The following CRADD variants were observed in gnomAD, a reference collection of about 807,000 sequenced individuals.
CRADD encodes the protein death domain-containing protein CRADD.
A neutral mutation model predicts 15.5 loss-of-function variants in CRADD; 9 were observed. The observed-to-expected ratio is 0.58, with a 90% CI of 0.35 to 1.01. The LOEUF is 1.01. CRADD is among the 50% of genes least tolerant of loss of function. The pLI is 0.02. For missense variants in CRADD, 227 were observed against 250.3 expected (o/e 0.91, Z 0.63); for synonymous variants, 118 against 107.6 (o/e 1.10, Z -0.60).
chr12:93,719,472 G>T (rs1326789380), intron 2 of CRADD, among the ~76,000 whole-genome samples: 1 of 152,166 alleles, frequency 6.6e-6, no homozygotes, highest in African/African-American at 2.4e-5. Context: ...AATGAGTTAG[G>T]AAGTATTTCC....
chr12:93,834,236 T>C (rs904964265), intron 2 of CRADD, among the ~76,000 whole-genome samples: 17 of 152,210 alleles, frequency 1.1e-4, no homozygotes, highest in African/African-American at 4.1e-4. Context: ...ACTTAGGTTA[T>C]CCTGATGCTA....
chr12:93,751,036 C>T (rs1956823193), intron 2 of CRADD, among the ~76,000 whole-genome samples: 1 of 152,172 alleles, frequency 6.6e-6, no homozygotes, highest in Non-Finnish European at 1.5e-5. Flanking sequence ...TTGCCTGTGT[C>T]TACTATACTC....
intron 2 of CRADD, among the ~76,000 whole-genome samples, chr12:93,887,072 A>G (rs1958542829): frequency 6.6e-6 from 1 of 152,218 alleles, no homozygotes. Context: ...AGATCTTTGC[A>G]CTTCCTGTAG....
chr12:93,859,213 AAG>A (rs145734470), intron 2 of CRADD: 5,668 of 436,458 alleles, frequency 0.013, 260 homozygotes, highest in African/African-American at 0.1. Context: ...GGGTTAATGT[AAG>A]TGCTTTCATT....
At chr12:93,854,934 C>CTA (rs1958259877), downstream of CRADD, among the ~76,000 whole-genome samples, 1 of 152,166 alleles carries the variant, frequency 6.6e-6, no homozygotes, top group African/African-American at 2.4e-5. Flanking sequence ...TGGCTCACGC[C>CTA]TATAATCCCA....
chr12:93,696,734 A>G (rs1204405733), intron 2 of CRADD, among the ~76,000 whole-genome samples: 2 of 147,460 alleles, frequency 1.4e-5, no homozygotes. Flanking sequence ...AACCACAAAT[A>G]GAAAATATTT....
chr12:93,698,948 C>G (rs1449371150), intron 2 of CRADD, among the ~76,000 whole-genome samples: 1 of 152,112 alleles, frequency 6.6e-6, no homozygotes, highest in Non-Finnish European at 1.5e-5. Context: ...CAACAGAGAC[C>G]TTATGGTCCA....
At chr12:93,693,532 A>G (rs1032019139) in intron 2 of CRADD, among the ~76,000 whole-genome samples, 12 of 152,208 alleles carry the variant, frequency 7.9e-5, no homozygotes, top group Admixed American at 2.0e-4. Context: ...GGGTCAATTC[A>G]TTAAGAAGGT....
chr12:93,685,424 G>A (rs1955406891), intron 2 of CRADD, among the ~76,000 whole-genome samples: 1 of 152,194 alleles, frequency 6.6e-6, no homozygotes, highest in East Asian at 1.9e-4. Flanking sequence ...TGCTAGAAGA[G>A]AGGATTTTGA....
intron 2 of CRADD, among the ~76,000 whole-genome samples, chr12:93,719,955 A>G (rs943095911): frequency 6.6e-6 from 1 of 151,616 alleles, no homozygotes; most frequent in Non-Finnish European, 1.5e-5. Flanking sequence ...TAATTTTTAT[A>G]CTTTTTTTTG....
chr12:93,757,476 C>T (rs1956904284), intron 2 of CRADD, among the ~76,000 whole-genome samples: 1 of 152,118 alleles, frequency 6.6e-6, no homozygotes, highest in Non-Finnish European at 1.5e-5. Context: ...CTTTGTGATA[C>T]CCACAAGCCT....
At chr12:93,872,051 C>T (rs766453638) in intron 2 of CRADD, among the ~76,000 whole-genome samples, 4 of 152,166 alleles carry the variant, frequency 2.6e-5, no homozygotes, top group Admixed American at 6.5e-5. Flanking sequence ...GTTCCCTTTT[C>T]TCTACATACT....
chr12:93,812,086 A>G (rs1316104313), intron 2 of CRADD, among the ~76,000 whole-genome samples: 1 of 152,174 alleles, frequency 6.6e-6, no homozygotes, highest in African/African-American at 2.4e-5. Flanking sequence ...AGAAAGTAAA[A>G]AAGATCAGTG....
chr12:93,748,662 C>CAA (rs5800114), intron 2 of CRADD, among the ~76,000 whole-genome samples: 63,620 of 151,898 alleles, frequency 0.42, 14,121 homozygotes, highest in East Asian at 0.8. Flanking sequence ...AAGTGATCTG[C>CAA]AAAAGCATGA....
intron 2 of CRADD, among the ~76,000 whole-genome samples, chr12:93,870,338 T>C (rs116575820): frequency 0.015 from 2,357 of 152,258 alleles, 62 homozygotes; most frequent in African/African-American, 0.053. Flanking sequence ...TCATTCCATG[T>C]CCTCACCTCT....
chr12:93,742,891 A>AG (rs539513583), intron 2 of CRADD, among the ~76,000 whole-genome samples: 2 of 152,094 alleles, frequency 1.3e-5, no homozygotes, highest in Admixed American at 1.3e-4. Context: ...CCTTATCAGG[A>AG]GGGGGGTCAG....
At chr12:93,809,184 G>T (rs1397423192) in intron 2 of CRADD, among the ~76,000 whole-genome samples, 2 of 152,096 alleles carry the variant, frequency 1.3e-5, no homozygotes, top group Non-Finnish European at 2.9e-5. Flanking sequence ...AAAGTGCTGG[G>T]ATTACAGGTG....
At chr12:93,793,024 A>C (rs1957367406) in intron 2 of CRADD, among the ~76,000 whole-genome samples, 1 of 152,222 alleles carries the variant, frequency 6.6e-6, no homozygotes, top group African/African-American at 2.4e-5. Flanking sequence ...TAATAGTCAC[A>C]TATGTATCAT....
At position 93,824,837 on chromosome 12, in the gene CRADD, C is replaced by T. The variant is rs1957806837; in HGVS notation, c.299-25133C>T. ...GCAGGAGGTAAAAGCTGCCCCTGGA[C>T]AGAGTGAAGCATGCAGAGGGAGGCG... On this transcript the variant is annotated intron_variant, in intron 2 of 2. Transcript: ENST00000332896. The surrounding 1 kb of genome is among the most constrained non-coding windows in gnomAD (Gnocchi z 4.3). Among the ~76,000 whole-genome samples the T allele has an allele frequency of 6.6e-6, 1 of 152,138 alleles. No individual in the cohort carries two copies. The highest frequency in any genetic ancestry group is 1.5e-5 in the Non-Finnish European group (1 of 68,038).
Sources: allele counts gnomAD v4.1 joint callset (sites outside exome capture counted in the v4.1 genomes callset), GRCh38; gene constraint gnomAD v4.1.1; non-coding constraint Gnocchi (gnomAD v3.1); transcripts MANE v1.5; gene names NCBI Gene and HGNC (gene_info 2026-07-23, HGNC 2026-07-21).